Variants in UBR4 observed in about 807,000 individuals in gnomAD.
UBR4 encodes E3 ubiquitin-protein ligase UBR4.
A neutral mutation model predicts 575.6 loss-of-function variants in UBR4; 124 were observed. The ratio of observed to expected loss-of-function variants is 0.22; its 90% CI spans 0.19 to 0.25. The LOEUF is 0.25. Among genes scored for constraint, UBR4 ranks in the 10% least tolerant of loss-of-function variants. The pLI, the probability that UBR4 is intolerant of heterozygous loss-of-function variation, is 1.00. For missense variants in UBR4, 4,818 were observed against 6,478.8 expected (o/e 0.74, Z 8.80); for synonymous variants, 2,455 against 2,473.7 (o/e 0.99, Z 0.22).
intron 54 of UBR4, among the ~76,000 whole-genome samples, chr1:19,144,407 G>A (rs887532615): frequency 3.3e-5 from 5 of 152,244 alleles, no homozygotes; most frequent in African/African-American, 4.8e-5. Flanking sequence ...CCCAGCGCAC[G>A]TCTTAGCTCT....
chr1:19,146,082 C>T, intron 52 of UBR4, 149 bp from the exon 53 acceptor site: 2 of 1,558,212 alleles, frequency 1.3e-6, no homozygotes, highest in Non-Finnish European at 1.7e-6. Context: ...TAGACTCCAG[C>T]AGGCACATCT....
At chr1:19,206,170 A>T (rs2092995984) in intron 1 of UBR4, among the ~76,000 whole-genome samples, 1 of 152,226 alleles carries the variant, frequency 6.6e-6, no homozygotes, top group Non-Finnish European at 1.5e-5. Flanking sequence ...GTGTTAAAAA[A>T]GAGTTTAAGC....
At chr1:19,168,238 T>C in intron 27 of UBR4, 54 bp from the exon 28 acceptor site, 1 of 1,463,996 alleles carries the variant, frequency 6.8e-7, no homozygotes. Context: ...CTGGAAAAAA[T>C]TCTCACATGG....
intron 51 of UBR4, among the ~76,000 whole-genome samples, chr1:19,147,586 C>T (rs1480535023): frequency 1.3e-5 from 2 of 152,220 alleles, no homozygotes; most frequent in Non-Finnish European, 2.9e-5. Context: ...ACTCCAAGAA[C>T]TATTCAACAC....
chr1:19,086,381 A>C (rs116902644), intron 100 of UBR4, 111 bp from the exon 101 acceptor site: 32,007 of 1,362,372 alleles, frequency 0.023, 576 homozygotes, highest in South Asian at 0.056. Flanking sequence ...CTAAGAAGTC[A>C]GTCGGCCCAG....
At chr1:19,101,712 G>C in intron 87 of UBR4, 71 bp from the exon 88 acceptor site, 4 of 1,558,062 alleles carry the variant, frequency 2.6e-6, no homozygotes, top group Non-Finnish European at 2.6e-6. Context: ...AATTCTAACT[G>C]AAGTACCATC....
rs768051417 is a variant in UBR4 at position 19,167,220 on chromosome 1, T to C, written c.3911A>G (p.Glu1304Gly). The C allele has an allele frequency of 1.9e-6, 3 of 1,614,204 alleles. No homozygotes were observed. The highest frequency in any genetic ancestry group is 2.5e-6 in the Non-Finnish European group (3 of 1,180,026). The stretch of plus-strand genomic sequence containing the variant: ...CCGAATTACCTGTGGTGGGTTCATC[T>C]CATCTGACCAACTTCAGCAAAGAAA... ...LTGDLIVWSD[E>G]MNPPQVIRTL... Residue 1304 changes from glutamate to glycine, a missense_variant, in exon 29 of 106, where the codon GAG becomes GGG. Glu to Gly is a moderately conservative substitution (Grantham distance 98, BLOSUM62 -2). This residue lies in a region of UBR4 where 1,172 missense variants were observed against 1,259.7 expected (regional missense o/e 0.93). Coordinates refer to ENST00000375254, the MANE Select transcript of UBR4 (RefSeq NM_020765.3).
Position 19,093,588 on chromosome 1 carries a change from G to T in UBR4, c.13938-102C>A. On this transcript the variant is annotated intron_variant, in intron 95 of 105. Transcript: ENST00000375254. This position sits in a 1 kb window ranked among gnomAD's most constrained non-coding sequence, Gnocchi z 4.8. ...TGTCAACAGCCTATAGAAGATCAAGGCTAAATTCCCTAACGTGACACAAAG... is the reference window on the plus strand; with the variant it reads ...TGTCAACAGCCTATAGAAGATCAAGTCTAAATTCCCTAACGTGACACAAAG... 7.6e-7 allele frequency: 1 copy of T among 1,316,190 alleles called. No homozygotes were observed. The highest frequency in any genetic ancestry group is 1.0e-6 in the Non-Finnish European group (1 of 953,596). 81.5% of individuals were successfully genotyped at this position (1,316,190 alleles called of 1,614,324 possible).
intron 97 of UBR4, among the ~76,000 whole-genome samples, chr1:19,091,900 C>G (rs1011640968): frequency 6.6e-6 from 1 of 151,924 alleles, no homozygotes; most frequent in African/African-American, 2.4e-5. Context: ...CAGCCAAAAA[C>G]TGGCAACAAT....
intron 60 of UBR4, among the ~76,000 whole-genome samples, chr1:19,131,250 A>T (rs2082400696): frequency 7.3e-6 from 1 of 137,044 alleles, no homozygotes; most frequent in Non-Finnish European, 1.6e-5. Context: ...ACTTAAAAAA[A>T]AAAAAAAAAA....
chr1:19,146,201 C>G, intron 52 of UBR4: 1 of 1,038,280 alleles, frequency 9.6e-7, no homozygotes, highest in East Asian at 3.5e-5. Context: ...GATCTCAGTT[C>G]CAACTGTTCA....
At chr1:19,144,369 T>C in intron 54 of UBR4, among the ~76,000 whole-genome samples, 1 of 152,344 alleles carries the variant, frequency 6.6e-6, no homozygotes, top group South Asian at 2.1e-4. Context: ...TTACAAATGG[T>C]TCTGGCTTTT....
chr1:19,167,268 A>C (rs751231421), intron 28 of UBR4, 37 bp from the exon 29 acceptor site: 1 of 1,608,344 alleles, frequency 6.2e-7, no homozygotes, highest in Non-Finnish European at 8.5e-7. Flanking sequence ...TAGTGAATAC[A>C]CTCCTCCAAA....
chr1:19,135,657 ATAAT>A (rs1235307905), intron 60 of UBR4, among the ~76,000 whole-genome samples: 2 of 152,178 alleles, frequency 1.3e-5, no homozygotes, highest in Admixed American at 1.3e-4. Context: ...AAATTTATAA[ATAAT>A]TAAGCACAAG....
In UBR4 at chr1:19,117,995, G is replaced by T; in HGVS notation, c.10542-85C>A. 1 of 1,371,446 alleles carries T rather than the reference G, an allele frequency of 7.3e-7. No homozygotes were observed. Among genetic ancestry groups the T allele is most frequent in the Non-Finnish European group, 1.0e-6 (1 of 968,808 alleles). 85.0% of individuals were successfully genotyped at this position (1,371,446 alleles called of 1,614,324 possible). On this transcript the variant is annotated intron_variant, in intron 71 of 105. Transcript: ENST00000375254. This position sits in a 1 kb window ranked among gnomAD's most constrained non-coding sequence, Gnocchi z 4.0. ...ACAAAAAAATCATGACAAAGCCATG[G>T]CTCAATGTGAGCCAAAGTGAGCCCA...
chr1:19,075,114 G>GTT, intron 105 of UBR4: 1 of 586,586 alleles, frequency 1.7e-6, no homozygotes, highest in African/African-American at 1.9e-5. Context: ...GCTGGAAGGT[G>GTT]TTTTTGTTCT....
chr1:19,092,450 G>A (rs963210119), intron 97 of UBR4, among the ~76,000 whole-genome samples: 4 of 151,486 alleles, frequency 2.6e-5, no homozygotes, highest in African/African-American at 9.8e-5. Context: ...GAGTGGAATG[G>A]GTGGGACTCC....
Position 19,152,174 on chromosome 1 carries a change from G to C in UBR4, c.6996+139C>G. 4 of 1,288,138 alleles carry C rather than the reference G, an allele frequency of 3.1e-6. No individual in the cohort carries two copies. The highest frequency in any genetic ancestry group is 4.3e-6 in the Non-Finnish European group (4 of 932,670). The allele number at this position is 1,288,138 out of a possible 1,614,324, so 79.8% of individuals were successfully genotyped here. On this transcript the variant is annotated intron_variant, in intron 47 of 105. Coordinates refer to ENST00000375254, the MANE Select transcript of UBR4 (RefSeq NM_020765.3). The surrounding 1 kb of genome is among the most constrained non-coding windows in gnomAD (Gnocchi z 4.4). Reference sequence around the variant, plus strand: ...TGAGTAAGAATATCCATTTTTCTAAGGAACCATTTAACTAGAACCGAGGGT... The same window carrying C: ...TGAGTAAGAATATCCATTTTTCTAACGAACCATTTAACTAGAACCGAGGGT...
chr1:19,161,187 C>T, intron 37 of UBR4, 40 bp from the exon 38 acceptor site: 1 of 1,588,204 alleles, frequency 6.3e-7, no homozygotes, highest in Non-Finnish European at 8.6e-7. Flanking sequence ...GTTCTTGCCT[C>T]AAGCACAGAG....
Sources: allele counts gnomAD v4.1 joint callset (sites outside exome capture counted in the v4.1 genomes callset), GRCh38; gene constraint gnomAD v4.1.1; regional missense constraint gnomAD v4.1.1; non-coding constraint Gnocchi (gnomAD v3.1); transcripts MANE v1.5; gene names NCBI Gene and HGNC (gene_info 2026-07-23, HGNC 2026-07-21).